SMIM28: variants seen among roughly 807,000 people sequenced by gnomAD.
SMIM28 encodes the protein small integral membrane protein 28.
At chr6:138,379,881 C>A (rs9495054) in intron 1 of SMIM28, among the ~76,000 whole-genome samples, 25,269 of 151,656 alleles carry the variant, frequency 0.17, 3,847 homozygotes, top group African/African-American at 0.41. Context: ...GTAAGAAAAC[C>A]GAAGGAATTT....
At chr6:138,378,853 A>G (rs1455934357) in intron 1 of SMIM28, among the ~76,000 whole-genome samples, 4 of 152,184 alleles carry the variant, frequency 2.6e-5, no homozygotes, top group African/African-American at 9.7e-5. Context: ...CTGGAAAACC[A>G]ACTGGTGAGA....
chr6:138,383,446 G>A lies in SMIM28; in HGVS notation c.*599G>A, dbSNP rs564903013. Among the ~76,000 whole-genome samples the A allele has an allele frequency of 3.3e-5, 5 of 152,248 alleles. No homozygotes were observed. The highest frequency in any genetic ancestry group is 1.9e-4 in the East Asian group (1 of 5,186). ...ATTAGCAATGAAAGTATAGATATTC[G>A]CAAACATTTTAGTTAAAAAATAATA... On this transcript the variant is annotated 3_prime_UTR_variant, in exon 2 of 2. Coordinates refer to ENST00000573100, the MANE Select transcript of SMIM28 (RefSeq NM_001368163.3).
Position 138,382,788 on chromosome 6 carries a change from G to A in SMIM28, c.400G>A (p.Glu134Lys), listed in dbSNP as rs1042934513. ...LPSQCLPPSYEEATRNPPGEE... is the reference protein window; with the variant it reads ...LPSQCLPPSYKEATRNPPGEE... ...CTCCCAGTGTTTACCGCCCTCCTAC[G>A]AAGAGGCCACCAGAAATCCTCCTGG... Residue 134 changes from glutamate to lysine, a missense_variant, in exon 2 of 2, where the codon GAA (glutamate) becomes AAA (lysine). Coordinates refer to ENST00000573100, the MANE Select transcript of SMIM28 (RefSeq NM_001368163.3). The A allele has an allele frequency of 1.5e-4, 59 of 398,482 alleles. No individual in the cohort carries two copies. Among genetic ancestry groups the A allele is most frequent in the Non-Finnish European group, 2.4e-4 (54 of 226,124 alleles). 24.7% of individuals were successfully genotyped at this position (398,482 alleles called of 1,614,324 possible).
At chr6:138,379,654 A>G (rs1774291779) in intron 1 of SMIM28, among the ~76,000 whole-genome samples, 1 of 152,170 alleles carries the variant, frequency 6.6e-6, no homozygotes, top group Non-Finnish European at 1.5e-5. Flanking sequence ...TAAGCTATTA[A>G]GCTATTATTT....
intron 1 of SMIM28, 38 bp downstream of exon 1, chr6:138,378,221 C>T: frequency 7.5e-6 from 3 of 398,536 alleles, no homozygotes; most frequent in Non-Finnish European, 1.3e-5. Flanking sequence ...TTCCCCAAAG[C>T]ATCTTCATCA....
intron 1 of SMIM28, among the ~76,000 whole-genome samples, chr6:138,380,767 T>TAAAG (rs1774303321): frequency 2.1e-5 from 1 of 48,478 alleles, no homozygotes; most frequent in African/African-American, 1.4e-4. Context: ...ACCCCGTCTC[T>TAAAG]AAATAAATAA....
rs1774336385 is a variant in SMIM28, at chr6:138,383,111, T to C, written c.*264T>C. 1 of 275,834 alleles carries C rather than the reference T, an allele frequency of 3.6e-6. No homozygotes were observed. The highest frequency in any genetic ancestry group is 2.3e-5 in the African/African-American group (1 of 44,412). 17.1% of individuals were successfully genotyped at this position (275,834 alleles called of 1,614,324 possible). On this transcript the variant is annotated 3_prime_UTR_variant, in exon 2 of 2. Transcript: ENST00000573100. ...TCTTCTAAAGATGACTGCACTCTCC[T>C]AAAATGTATAACACTCCTGAGAAAA...
rs758914031 is a variant in SMIM28, at chr6:138,383,146, T to C, written c.*299T>C. ...AACACTCCTGAGAAAAAAAGGAAAG[T>C]TCTATGTGAGTTGAAAAAAAAAAAA... On this transcript the variant is annotated 3_prime_UTR_variant, in exon 2 of 2. Coordinates refer to ENST00000573100, the MANE Select transcript of SMIM28 (RefSeq NM_001368163.3). 60 of 219,760 alleles carry C rather than the reference T, an allele frequency of 2.7e-4. No individual in the cohort carries two copies. Among genetic ancestry groups the C allele is most frequent in the Non-Finnish European group, 4.8e-4 (55 of 113,974 alleles). 13.6% of individuals were successfully genotyped at this position (219,760 alleles called of 1,614,324 possible). A position where few individuals can be genotyped will look rare whatever the true frequency, so the allele number is the denominator to read the frequency against.
At chr6:138,381,124 C>G (rs6913735) in intron 1 of SMIM28, among the ~76,000 whole-genome samples, 126 of 151,892 alleles carry the variant, frequency 8.3e-4, no homozygotes, top group African/African-American at 3.0e-3. Context: ...CAGGCTGGTT[C>G]CAAACTCCTG....
chr6:138,380,972 G>A (rs1347934193), intron 1 of SMIM28, among the ~76,000 whole-genome samples: 4 of 151,182 alleles, frequency 2.6e-5, no homozygotes, highest in Non-Finnish European at 4.4e-5. Context: ...GCACAATCTC[G>A]GCTCACTGCA....
chr6:138,383,195 G>A lies in SMIM28; in HGVS notation c.*348G>A, dbSNP rs1774337796. Reference sequence around the variant, plus strand: ...AAACACTTAATTACTAATGAGCACAGGAACAGGCTCTGAAGGGCAAGAAAA... The same window carrying A: ...AAACACTTAATTACTAATGAGCACAAGAACAGGCTCTGAAGGGCAAGAAAA... On this transcript the variant is annotated 3_prime_UTR_variant, in exon 2 of 2. Transcript: ENST00000573100. 6.2e-6 allele frequency: 1 copy of A among 161,528 alleles called. No homozygotes were observed. The highest frequency in any genetic ancestry group is 2.0e-4 in the South Asian group (1 of 4,902). 10.0% of individuals were successfully genotyped at this position (161,528 alleles called of 1,614,324 possible). A position where few individuals can be genotyped will look rare whatever the true frequency, so the allele number is the denominator to read the frequency against.
At position 138,377,948 on chromosome 6, in the gene SMIM28, G is replaced by A. The variant is rs550291291; in HGVS notation, c.-125G>A. The A allele has an allele frequency of 7.3e-4, 291 of 396,436 alleles. 3 individuals carry two copies. The Middle Eastern group carries it at 8.2e-3, about 11-fold the overall frequency. 24.6% of individuals were successfully genotyped at this position (396,436 alleles called of 1,614,324 possible). A position where few individuals can be genotyped will look rare whatever the true frequency, so the allele number is the denominator to read the frequency against. ...CTTTCCCCTGTTGCCATTCATCAGA[G>A]GACGAGTTTACCAACAGCCATCAGC... On this transcript the variant is annotated 5_prime_UTR_variant, in exon 1 of 2. Coordinates refer to ENST00000573100, the MANE Select transcript of SMIM28 (RefSeq NM_001368163.3).
intron 1 of SMIM28, among the ~76,000 whole-genome samples, chr6:138,380,501 C>T (rs1774298878): frequency 6.6e-6 from 1 of 152,300 alleles, no homozygotes; most frequent in Non-Finnish European, 1.5e-5. Context: ...GGCGCAGTGG[C>T]TCATGCCTGT....
In SMIM28 at chr6:138,383,131, A is replaced by AG. The variant is rs541644843; in HGVS notation, c.*285dup. 4.5e-3 allele frequency: 1,100 copies of AG among 245,118 alleles called. 6 individuals are homozygous for AG. The highest frequency in any genetic ancestry group is 5.4e-3 in the Non-Finnish European group (705 of 129,504). The allele number at this position is 245,118 out of a possible 1,614,324, so 15.2% of individuals were successfully genotyped here. On this transcript the variant is annotated 3_prime_UTR_variant, in exon 2 of 2. Coordinates refer to ENST00000573100, the MANE Select transcript of SMIM28 (RefSeq NM_001368163.3). ...TCTCCTAAAATGTATAACACTCCTG[A>AG]GAAAAAAAGGAAAGTTCTATGTGAG...
Position 138,380,648 on chromosome 6 carries a change from T to G in SMIM28, c.112-1852T>G, listed in dbSNP as rs576428270. 7.1e-4 allele frequency among the ~76,000 whole-genome samples: 108 copies of G among 152,128 alleles called. 1 individual carries two copies. In the Middle Eastern group the frequency reaches 0.01, roughly 14 times the overall value. ...CGGGTGTGGTGGCGGGTGCCTGTAG[T>G]CCCAGCTACTTGGGAGGCTGAGGCA... is the stretch of plus-strand genomic sequence containing the variant. On this transcript the variant is annotated intron_variant, in intron 1 of 1. Transcript: ENST00000573100.
At chr6:138,381,054 C>G (rs6913692) in intron 1 of SMIM28, among the ~76,000 whole-genome samples, 24,198 of 151,744 alleles carry the variant, frequency 0.16, 3,464 homozygotes, top group African/African-American at 0.39. Flanking sequence ...AGGTGCCCAC[C>G]ACCACGCCCT....
At chr6:138,381,333 C>G (rs1774310095) in intron 1 of SMIM28, among the ~76,000 whole-genome samples, 1 of 152,130 alleles carries the variant, frequency 6.6e-6, no homozygotes, top group Non-Finnish European at 1.5e-5. Flanking sequence ...TTACTATATG[C>G]TTTATAAAAG....
Position 138,382,618 on chromosome 6 carries a change from A to G in SMIM28, c.230A>G (p.Lys77Arg), listed in dbSNP as rs1278841306. 5.5e-5 allele frequency: 22 copies of G among 398,610 alleles called. No homozygotes were observed. 24.7% of individuals were successfully genotyped at this position (398,610 alleles called of 1,614,324 possible). The change falls in exon 2 of 2, where the codon AAG becomes AGG. Residue 77 changes from lysine (K) to arginine (R), a missense_variant. Transcript: ENST00000573100. ...FLLLFLYRRC[K>R]SPPPQGQVFS... is the part of the protein sequence containing the mutation. ...CTGCTGTTCCTGTACCGCCGCTGCA[A>G]GTCCCCACCGCCCCAGGGGCAGGTG...
intron 1 of SMIM28, among the ~76,000 whole-genome samples, chr6:138,378,936 GAA>G (rs1451005667): frequency 1.3e-5 from 2 of 152,084 alleles, no homozygotes; most frequent in Non-Finnish European, 2.9e-5. Flanking sequence ...TGGATATTGA[GAA>G]ATCCTTTAGC....
Sources: gnomAD v4.1 joint callset for allele counts (sites outside exome capture counted in the v4.1 genomes callset) on GRCh38, gnomAD v4.1.1 for gene constraint, MANE v1.5 for transcripts, NCBI Gene and HGNC (gene_info 2026-07-23, HGNC 2026-07-21) for gene names.